The following CCDC102B variants were observed in gnomAD, a reference collection of about 807,000 sequenced individuals.
The protein encoded by CCDC102B is coiled-coil domain containing 102B.
In CCDC102B, 75 loss-of-function variants were observed where a neutral mutation model predicts 57.4. The observed-to-expected ratio is 1.31, with a 90% confidence interval of 1.08 to 1.58. The LOEUF (loss-of-function observed/expected upper bound fraction) is 1.58. CCDC102B is among the 40% of genes most tolerant of loss of function. CCDC102B has a pLI of 0.00. For synonymous variants in CCDC102B, 206 were observed against 201.9 expected (o/e 1.02, Z -0.17); for missense variants, 636 against 582.6 (o/e 1.09, Z -0.94).
intron 7 of CCDC102B, among the ~76,000 whole-genome samples, chr18:69,014,978 A>AGAGGGTGTGTGTGTGTGTGTGTGTGT (rs139377520): frequency 7.2e-6 from 1 of 139,332 alleles, no homozygotes; most frequent in African/African-American, 2.7e-5. Context: ...AGAGAGAGAG[A>AGAGGGTGTGTGTGTGTGTGTGTGTGT]GTGTGTGTGT....
chr18:68,783,027 T>C (rs890993311), intron 2 of CCDC102B, among the ~76,000 whole-genome samples: 2 of 152,212 alleles, frequency 1.3e-5, no homozygotes, highest in Non-Finnish European at 2.9e-5. Flanking sequence ...AGATTCTCTT[T>C]TGCAGATTCA....
At chr18:68,770,187 T>C (rs1371837590) in intron 2 of CCDC102B, among the ~76,000 whole-genome samples, 1 of 152,182 alleles carries the variant, frequency 6.6e-6, no homozygotes. Flanking sequence ...CACTAAGAGG[T>C]AAGAAATCTC....
intron 2 of CCDC102B, among the ~76,000 whole-genome samples, chr18:68,721,847 C>T (rs1053259196): frequency 2.6e-5 from 4 of 152,134 alleles, no homozygotes; most frequent in Non-Finnish European, 4.4e-5. Flanking sequence ...TTAGCAAAAG[C>T]GAAAGTAAGT....
At chr18:68,986,243 A>G (rs529029032) in intron 6 of CCDC102B, among the ~76,000 whole-genome samples, 1 of 152,310 alleles carries the variant, frequency 6.6e-6, no homozygotes, top group South Asian at 2.1e-4. Context: ...ACATTGACAC[A>G]AAAATCATCA....
chr18:68,836,641 C>T (rs1055610512), intron 1 of CCDC102B, 108 bp from the exon 2 acceptor site: 59 of 641,034 alleles, frequency 9.2e-5, no homozygotes, highest in Non-Finnish European at 1.4e-4. Context: ...AAAAAAAAAG[C>T]ATTGTTTTCA....
chr18:68,948,115 T>C (rs1437676558), intron 6 of CCDC102B, among the ~76,000 whole-genome samples: 1 of 152,108 alleles, frequency 6.6e-6, no homozygotes, highest in African/African-American at 2.4e-5. Context: ...TTTGATTAAT[T>C]AGTGCCTACA....
chr18:68,804,993 C>T (rs28537214), intron 1 of CCDC102B, among the ~76,000 whole-genome samples: 9,747 of 150,968 alleles, frequency 0.065, 822 homozygotes, highest in African/African-American at 0.2. Flanking sequence ...TGTCCTGGAG[C>T]GGATTAGAGG....
intron 6 of CCDC102B, among the ~76,000 whole-genome samples, chr18:68,996,035 A>G (rs575366080): frequency 6.6e-6 from 1 of 152,294 alleles, no homozygotes; most frequent in South Asian, 2.1e-4. Context: ...AAGATTTGTG[A>G]TGGTTAATAT....
At chr18:68,867,305 A>C (rs1373350117) in intron 4 of CCDC102B, among the ~76,000 whole-genome samples, 3 of 152,090 alleles carry the variant, frequency 2.0e-5, no homozygotes, top group Non-Finnish European at 2.9e-5. Context: ...CTTGTTTCTA[A>C]ATATGGAGTG....
intron 6 of CCDC102B, among the ~76,000 whole-genome samples, chr18:68,923,808 A>T (rs2041373984): frequency 6.6e-6 from 1 of 152,094 alleles, no homozygotes; most frequent in Non-Finnish European, 1.5e-5. Flanking sequence ...ATCACATTCC[A>T]TCTGAGACAT....
chr18:69,028,430 T>C lies in CCDC102B; in HGVS notation c.1434+17326T>C, dbSNP rs191915809. Among the ~76,000 whole-genome samples the C allele has an allele frequency of 2.0e-5, 3 of 152,100 alleles. No individual in the cohort carries two copies. In the East Asian group the frequency reaches 5.8e-4, roughly 29 times the overall value. On this transcript the variant is annotated intron_variant, in intron 7 of 7. Transcript: ENST00000360242. Reference sequence around the variant, plus strand: ...TAGAAGCACAAGGCCTTGAAAACCATGTTGGGGAATTTAAACATTATTTGG... The same window carrying C: ...TAGAAGCACAAGGCCTTGAAAACCACGTTGGGGAATTTAAACATTATTTGG...
In CCDC102B at chr18:68,988,513, C is replaced by A. The variant is rs372054215; in HGVS notation, c.1264-22421C>A. 2.0e-5 allele frequency among the ~76,000 whole-genome samples: 3 copies of A among 151,076 alleles called. No homozygotes were observed. In the East Asian group the frequency reaches 5.8e-4, roughly 29 times the overall value. On this transcript the variant is annotated intron_variant, in intron 6 of 7. Coordinates refer to ENST00000360242, the MANE Select transcript of CCDC102B (RefSeq NM_024781.3). ...TTATGCAATATTTCCATGTAATAAACCCACACATGTACCCACTGAATCTAA... is the reference window on the plus strand; with the variant it reads ...TTATGCAATATTTCCATGTAATAAAACCACACATGTACCCACTGAATCTAA...
chr18:68,757,858 A>G (rs1359356406), intron 2 of CCDC102B, among the ~76,000 whole-genome samples: 2 of 152,156 alleles, frequency 1.3e-5, no homozygotes, highest in Non-Finnish European at 2.9e-5. Flanking sequence ...GCATGAGCAA[A>G]TCACATGTGC....
chr18:69,005,202 C>T (rs1044529495), intron 6 of CCDC102B, among the ~76,000 whole-genome samples: 1 of 152,082 alleles, frequency 6.6e-6, no homozygotes, highest in Non-Finnish European at 1.5e-5. Flanking sequence ...AGTCAACTTT[C>T]GAGAAGAGAA....
chr18:68,982,730 T>C (rs2050624098), intron 6 of CCDC102B, among the ~76,000 whole-genome samples: 1 of 151,982 alleles, frequency 6.6e-6, no homozygotes, highest in South Asian at 2.1e-4. Context: ...CTCATTGTAT[T>C]TTATTCATTA....
chr18:68,738,931 C>T (rs1321054178), intron 2 of CCDC102B, among the ~76,000 whole-genome samples: 1 of 151,920 alleles, frequency 6.6e-6, no homozygotes, highest in Non-Finnish European at 1.5e-5. Context: ...TCTGTTTTCA[C>T]ACAAAGTGGA....
chr18:68,721,163 A>G (rs948736841), intron 2 of CCDC102B: 3 of 152,248 alleles, frequency 2.0e-5, no homozygotes, highest in South Asian at 2.1e-4. Context: ...AATAGCAACA[A>G]TAATTACTAG....
intron 2 of CCDC102B, among the ~76,000 whole-genome samples, chr18:68,746,331 G>A (rs558396345): frequency 6.6e-6 from 1 of 152,260 alleles, no homozygotes; most frequent in East Asian, 1.9e-4. Flanking sequence ...AAAGAAAACA[G>A]TTCAAGTGTT....
rs140944259 is a variant in CCDC102B, at chr18:69,053,091, G to A, written c.1435-939G>A. On this transcript the variant is annotated intron_variant, in intron 7 of 7. Coordinates refer to ENST00000360242, the MANE Select transcript of CCDC102B (RefSeq NM_024781.3). The stretch of plus-strand genomic sequence containing the variant: ...ATATATGAATGTTCAGAGCATCACA[G>A]GGCTGGAGACAATATAAATACTCAT... 2.8e-3 allele frequency among the ~76,000 whole-genome samples: 426 copies of A among 151,812 alleles called. 2 individuals carry two copies. The highest frequency in any genetic ancestry group is 9.0e-3 in the African/African-American group (374 of 41,466).
Sources: gnomAD v4.1 joint callset for allele counts (sites outside exome capture counted in the v4.1 genomes callset) on GRCh38, gnomAD v4.1.1 for gene constraint, MANE v1.5 for transcripts, NCBI Gene and HGNC (gene_info 2026-07-23, HGNC 2026-07-21) for gene names.